Variants in ANAPC7 observed in about 807,000 individuals in gnomAD.
ANAPC7 encodes anaphase-promoting complex subunit 7.
Under a neutral mutation model 63.3 loss-of-function variants are expected in ANAPC7, and 25 were observed. That is an observed-to-expected ratio of 0.39 (90% confidence interval 0.29 to 0.55). The LOEUF is 0.55. ANAPC7 is among the 20% of genes least tolerant of loss of function. The probability of loss-of-function intolerance (pLI) is 0.57; values close to 1 mark genes in which losing one functional copy is unlikely to be tolerated. For synonymous variants in ANAPC7, 241 were observed against 251.7 expected (o/e 0.96, Z 0.40); for missense variants, 516 against 691.7 (o/e 0.75, Z 2.85).
chr12:110,398,738 A>C (rs2062178713), intron 1 of ANAPC7, among the ~76,000 whole-genome samples: 1 of 152,108 alleles, frequency 6.6e-6, no homozygotes, highest in Admixed American at 6.6e-5. Flanking sequence ...TGGGTGGATC[A>C]CCTAAGTTCA....
chr12:110,382,455 AAAAAAAATAT>A (rs1192086090), intron 7 of ANAPC7, among the ~76,000 whole-genome samples: 77 of 70,446 alleles, frequency 1.1e-3, no homozygotes, highest in African/African-American at 2.3e-3. Flanking sequence ...AAAAAAAAAA[AAAAAAAATAT>A]ATATATATAT....
intron 6 of ANAPC7, among the ~76,000 whole-genome samples, chr12:110,383,441 A>T (rs1279694536): frequency 6.6e-6 from 1 of 151,154 alleles, no homozygotes; most frequent in East Asian, 2.0e-4. Context: ...TCTCAAAAAA[A>T]GAAAATGCAA....
chr12:110,397,940 T>C (rs560328401), intron 1 of ANAPC7, among the ~76,000 whole-genome samples: 1 of 151,360 alleles, frequency 6.6e-6, no homozygotes, highest in East Asian at 2.0e-4. Flanking sequence ...AGCAAGAGGA[T>C]TGGCCTTGAT....
intron 1 of ANAPC7, among the ~76,000 whole-genome samples, chr12:110,401,101 CAGCAGCAG>C (rs1240725092): frequency 2.6e-5 from 4 of 152,154 alleles, no homozygotes; most frequent in Non-Finnish European, 5.9e-5. Flanking sequence ...ATCCAATGGG[CAGCAGCAG>C]CTGCATTGTA....
At chr12:110,393,867 C>CAAAAAAAAA (rs771757058) in intron 3 of ANAPC7, among the ~76,000 whole-genome samples, 1 of 37,322 alleles carries the variant, frequency 2.7e-5, no homozygotes, top group African/African-American at 9.4e-5. Context: ...AACTCCCTCT[C>CAAAAAAAAA]AAAAAAAAAA....
chr12:110,394,444 T>A (rs975841467), intron 3 of ANAPC7, among the ~76,000 whole-genome samples: 10 of 151,546 alleles, frequency 6.6e-5, no homozygotes, highest in African/African-American at 2.4e-4. Flanking sequence ...CTGGCCAACA[T>A]GGCAAAACCC....
chr12:110,377,426 T>C lies in ANAPC7; in HGVS notation c.1324A>G (p.Ile442Val), dbSNP rs1881390386. The C allele has an allele frequency of 1.9e-6, 3 of 1,614,050 alleles. No individual in the cohort carries two copies. The highest frequency in any genetic ancestry group is 2.5e-6 in the Non-Finnish European group (3 of 1,180,028). ...TCTGCTTTTTTCACCACAGCCTTAA[T>C]GTAATCTGGCCTTTGGGTCAGGGCT... ...DKALTQRPDYIKAVVKKAELL... is the reference protein window; with the variant it reads ...DKALTQRPDYVKAVVKKAELL... The change falls in exon 9 of 11, where the codon ATT becomes GTT. Residue 442 changes from isoleucine (I) to valine (V), a missense_variant. Physicochemically the swap from Ile to Val is conservative, Grantham distance 29 (BLOSUM62 3). Coordinates refer to ENST00000455511, the MANE Select transcript of ANAPC7 (RefSeq NM_016238.3).
intron 2 of ANAPC7, among the ~76,000 whole-genome samples, chr12:110,395,696 GCCT>G (rs2137981509): frequency 6.6e-6 from 1 of 151,014 alleles, no homozygotes; most frequent in East Asian, 1.9e-4. Context: ...CCACCACCAT[GCCT>G]GGCTAATTTT....
chr12:110,381,191 G>A (rs1881811519), intron 8 of ANAPC7, among the ~76,000 whole-genome samples: 1 of 152,050 alleles, frequency 6.6e-6, no homozygotes, highest in Non-Finnish European at 1.5e-5. Context: ...CTAATGCAGT[G>A]GTTCCCAAAC....
At chr12:110,403,399 C>T in intron 1 of ANAPC7, 128 bp downstream of exon 1, 1 of 1,040,414 alleles carries the variant, frequency 9.6e-7, no homozygotes, top group Non-Finnish European at 1.4e-6. Flanking sequence ...GACGCCCTCG[C>T]AGACCCCGGA....
chr12:110,382,335 GGA>G (rs1384693762), intron 7 of ANAPC7, among the ~76,000 whole-genome samples: 1 of 149,912 alleles, frequency 6.7e-6, no homozygotes, highest in Non-Finnish European at 1.5e-5. Flanking sequence ...AACCCTAGAA[GGA>G]GAGGTTATTA....
chr12:110,374,110 G>C lies in ANAPC7; in HGVS notation c.*34C>G, dbSNP rs767425887. The C allele has an allele frequency of 3.2e-6, 5 of 1,585,638 alleles. No individual in the cohort carries two copies. Among genetic ancestry groups the C allele is most frequent in the Non-Finnish European group, 4.3e-6 (5 of 1,169,020 alleles). On this transcript the variant is annotated 3_prime_UTR_variant, in exon 11 of 11. Transcript: ENST00000455511. ...CAGTCCACGGAAGTGCTCAGAGCAG[G>C]GCAGGCCACTGCGGCCATGGAGCTG...
chr12:110,385,505 A>G (rs1444506700), intron 6 of ANAPC7, among the ~76,000 whole-genome samples: 1 of 152,226 alleles, frequency 6.6e-6, no homozygotes, highest in African/African-American at 2.4e-5. Flanking sequence ...CCAAGCTGCC[A>G]GCTGTTGCCA....
intron 1 of ANAPC7, among the ~76,000 whole-genome samples, chr12:110,401,446 G>A (rs1268436456): frequency 2.6e-5 from 4 of 152,160 alleles, no homozygotes; most frequent in Non-Finnish European, 5.9e-5. Context: ...AAAAGTGGGA[G>A]TACCCGAGAG....
At chr12:110,395,686 C>G (rs911989248) in intron 2 of ANAPC7, among the ~76,000 whole-genome samples, 2 of 151,892 alleles carry the variant, frequency 1.3e-5, no homozygotes, top group South Asian at 2.1e-4. Context: ...CTACAGGCAT[C>G]CACCACCATG....
chr12:110,374,464 A>C, intron 10 of ANAPC7, 131 bp from the exon 11 acceptor site: 1 of 801,518 alleles, frequency 1.2e-6, no homozygotes, highest in Non-Finnish European at 1.9e-6. Context: ...TGGCCTCTCC[A>C]AACAACTCAG....
rs548130956 is a variant in ANAPC7 at position 110,374,122 on chromosome 12, C to T, written c.*22G>A. ...GTGCTCAGAGCAGGGCAGGCCACTGCGGCCATGGAGCTGCCGCCCCCTCAC... is the reference window on the plus strand; with the variant it reads ...GTGCTCAGAGCAGGGCAGGCCACTGTGGCCATGGAGCTGCCGCCCCCTCAC... On this transcript the variant is annotated 3_prime_UTR_variant, in exon 11 of 11. Coordinates refer to ENST00000455511, the MANE Select transcript of ANAPC7 (RefSeq NM_016238.3). 4.4e-6 allele frequency: 7 copies of T among 1,594,396 alleles called. No individual in the cohort carries two copies. Among genetic ancestry groups the T allele is most frequent in the South Asian group, 2.3e-5 (2 of 88,768 alleles).
At position 110,373,743 on chromosome 12, in the gene ANAPC7, A is replaced by G. The variant is rs1881011326; in HGVS notation, c.*401T>C. The G allele has an allele frequency of 6.0e-6, 1 of 165,580 alleles. No homozygotes were observed. Among genetic ancestry groups the G allele is most frequent in the African/African-American group, 2.4e-5 (1 of 42,038 alleles). 10.3% of individuals were successfully genotyped at this position (165,580 alleles called of 1,614,324 possible). On this transcript the variant is annotated 3_prime_UTR_variant, in exon 11 of 11. Coordinates refer to ENST00000455511, the MANE Select transcript of ANAPC7 (RefSeq NM_016238.3). ...CTCCCTAGGGCCAGATCGTGCTGCC[A>G]TCCAACTTGGGAGATGACATTATCG...
At chr12:110,399,615 C>G (rs960523156) in intron 1 of ANAPC7, among the ~76,000 whole-genome samples, 2 of 151,904 alleles carry the variant, frequency 1.3e-5, no homozygotes, top group African/African-American at 4.8e-5. Context: ...TTTGTAAATA[C>G]ACTAAAACCC....
Sources: allele counts gnomAD v4.1 joint callset (sites outside exome capture counted in the v4.1 genomes callset), GRCh38; gene constraint gnomAD v4.1.1; transcripts MANE v1.5; gene names NCBI Gene and HGNC (gene_info 2026-07-23, HGNC 2026-07-21).